The following WDR72 variants were observed in gnomAD, a reference collection of about 807,000 sequenced individuals.
WDR72 encodes the protein WD repeat-containing protein 72.
WDR72 carries 120 observed loss-of-function variants against 124.2 expected under a neutral mutation model. The observed-to-expected ratio is 0.97, with a 90% CI of 0.83 to 1.12. WDR72 has a LOEUF of 1.12. Ranked by LOEUF, WDR72 falls within the 50% of genes most tolerant of loss-of-function variation. WDR72 has a pLI of 0.00. For missense variants in WDR72, 1,387 were observed against 1,278.8 expected (o/e 1.08, Z -1.29); for synonymous variants, 452 against 441.7 (o/e 1.02, Z -0.29).
chr15:53,588,119 A>G (rs1446432724), intron 18 of WDR72, among the ~76,000 whole-genome samples: 1 of 152,052 alleles, frequency 6.6e-6, no homozygotes, highest in Non-Finnish European at 1.5e-5. Context: ...TTTCTAGTAC[A>G]GACAATTAAC....
At chr15:53,752,099 A>T (rs937861255) in intron 1 of WDR72, among the ~76,000 whole-genome samples, 1 of 152,242 alleles carries the variant, frequency 6.6e-6, no homozygotes, top group African/African-American at 2.4e-5. Context: ...CATAACTTAC[A>T]GTAGATCCCA....
In WDR72 at chr15:53,515,352, C is replaced by A. The variant is rs1279269780; in HGVS notation, c.*2347G>T. 6.6e-6 allele frequency: 1 copy of A among 152,002 alleles called. No individual in the cohort carries two copies. The highest frequency in any genetic ancestry group is 1.5e-5 in the Non-Finnish European group (1 of 67,988). The allele number at this position is 152,002 out of a possible 1,614,324, so 9.4% of individuals were successfully genotyped here. On this transcript the variant is annotated 3_prime_UTR_variant, in exon 20 of 20. Coordinates refer to ENST00000360509, the MANE Select transcript of WDR72 (RefSeq NM_182758.4). ...TATGATCACCACGTACGTGGTCTATCCAGTTAACTGTGTGGCAATTTGCTA... is the reference window on the plus strand; with the variant it reads ...TATGATCACCACGTACGTGGTCTATACAGTTAACTGTGTGGCAATTTGCTA...
Position 53,559,296 on chromosome 15 carries a change from CAT to C in WDR72, c.3149-35976_3149-35975del, listed in dbSNP as rs894289091. 1.2e-4 allele frequency among the ~76,000 whole-genome samples: 18 copies of C among 151,918 alleles called. No homozygotes were observed. In the East Asian group the frequency reaches 3.1e-3, roughly 26 times the overall value. On this transcript the variant is annotated intron_variant, in intron 18 of 19. Coordinates refer to ENST00000360509, the MANE Select transcript of WDR72 (RefSeq NM_182758.4). ...TCACACAAACTGTAATGATGATACA[CAT>C]GTGGATTTTTTTTAAAGTACAATGA...
At chr15:53,710,723 G>T in intron 9 of WDR72, 134 bp downstream of exon 9, 1 of 746,818 alleles carries the variant, frequency 1.3e-6, no homozygotes. Flanking sequence ...AATTAAACTT[G>T]ATTTTCTCAT....
chr15:53,741,127 G>A (rs976444638), intron 1 of WDR72, among the ~76,000 whole-genome samples: 9 of 152,056 alleles, frequency 5.9e-5, no homozygotes, highest in African/African-American at 2.2e-4. Flanking sequence ...TGCTATAATT[G>A]CAGGGCCCAG....
rs565451080 is a variant in WDR72, at chr15:53,591,618, A to G, written c.3148+5461T>C. 1.2e-4 allele frequency among the ~76,000 whole-genome samples: 18 copies of G among 152,102 alleles called. No homozygotes were observed. The South Asian group carries it at 3.7e-3, about 32-fold the overall frequency. On this transcript the variant is annotated intron_variant, in intron 18 of 19. Coordinates refer to ENST00000360509, the MANE Select transcript of WDR72 (RefSeq NM_182758.4). ...CAACATTATGTCCATTATAAAATAC[A>G]CACAAAAATAGAAATTCCAAAATGA...
chr15:53,557,930 T>C (rs1893989028), intron 18 of WDR72, among the ~76,000 whole-genome samples: 1 of 151,978 alleles, frequency 6.6e-6, no homozygotes, highest in Non-Finnish European at 1.5e-5. Flanking sequence ...CCACCCAATG[T>C]ATTTGGCATG....
chr15:53,615,526 A>T lies in WDR72; in HGVS notation c.2680T>A (p.Ser894Thr). The T allele has an allele frequency of 1.2e-6, 2 of 1,612,966 alleles. No homozygotes were observed. Among genetic ancestry groups the T allele is most frequent in the Non-Finnish European group, 1.7e-6 (2 of 1,179,422 alleles). ...IPRGLENNCD[S>T]LRESDTIVYL... Reference sequence around the variant, plus strand: ...ACTATAGTATCTGACTCTCGCAAAGAATCACAATTATTTTCCAATCCTCTT... The same window carrying T: ...ACTATAGTATCTGACTCTCGCAAAGTATCACAATTATTTTCCAATCCTCTT... Residue 894 changes from serine (S) to threonine (T), a missense_variant, in exon 15 of 20, where the codon TCT becomes ACT. Physicochemically the swap from Ser to Thr is moderately conservative, Grantham distance 58 (BLOSUM62 1). Transcript: ENST00000360509.
At chr15:53,627,809 A>T (rs977428835) in intron 14 of WDR72, among the ~76,000 whole-genome samples, 35 of 152,212 alleles carry the variant, frequency 2.3e-4, no homozygotes, top group Admixed American at 3.9e-4. Flanking sequence ...TTAGTGCCTA[A>T]TTGCAATCAT....
intron 13 of WDR72, among the ~76,000 whole-genome samples, chr15:53,669,950 T>C (rs1201991524): frequency 2.0e-5 from 3 of 152,320 alleles, no homozygotes; most frequent in Non-Finnish European, 2.9e-5. Flanking sequence ...TTATAGTACA[T>C]CAAGAATAGG....
chr15:53,551,340 G>A (rs1384645092), intron 18 of WDR72, among the ~76,000 whole-genome samples: 1 of 152,084 alleles, frequency 6.6e-6, no homozygotes, highest in African/African-American at 2.4e-5. Flanking sequence ...AATAATTCAC[G>A]CAGAATTGGC....
chr15:53,657,071 T>C (rs2140437160), intron 14 of WDR72, among the ~76,000 whole-genome samples: 1 of 152,036 alleles, frequency 6.6e-6, no homozygotes. Context: ...GAGACCATCC[T>C]GGCTAACACA....
At chr15:53,558,528 A>G (rs1894010448) in intron 18 of WDR72, among the ~76,000 whole-genome samples, 1 of 152,014 alleles carries the variant, frequency 6.6e-6, no homozygotes, top group African/African-American at 2.4e-5. Context: ...GAAATGGCTT[A>G]GGGGTGGAGT....
At position 53,722,984 on chromosome 15, in the gene WDR72, T is replaced by C. The variant is rs73412159; in HGVS notation, c.154-76A>G. The C allele has an allele frequency of 1.2e-3, 1,621 of 1,332,804 alleles. 24 individuals carry two copies. In the African/African-American group the frequency reaches 0.021, roughly 17 times the overall value. 82.6% of individuals were successfully genotyped at this position (1,332,804 alleles called of 1,614,324 possible). On this transcript the variant is annotated intron_variant, in intron 2 of 19. Coordinates refer to ENST00000360509, the MANE Select transcript of WDR72 (RefSeq NM_182758.4). ...TAAAAACACCACAATATAGTATTCA[T>C]AACTCTGATTAGGAAATTCTGTTGT...
chr15:53,629,927 T>C (rs991325611), intron 14 of WDR72, among the ~76,000 whole-genome samples: 2 of 152,168 alleles, frequency 1.3e-5, no homozygotes, highest in African/African-American at 4.8e-5. Flanking sequence ...AGGAGTCCCA[T>C]TTACCAACCT....
chr15:53,702,259 T>A lies in WDR72; in HGVS notation c.1444A>T (p.Met482Leu), dbSNP rs758370338. 10 of 1,614,026 alleles carry A rather than the reference T, an allele frequency of 6.2e-6. 1 individual carries two copies. The highest frequency in any genetic ancestry group is 1.6e-4 in the Middle Eastern group (1 of 6,084). Residue 482 changes from methionine to leucine, a missense_variant, in exon 12 of 20, where the codon ATG (methionine) becomes TTG (leucine). By Grantham distance (15) the Met-to-Leu change is conservative. Coordinates refer to ENST00000360509, the MANE Select transcript of WDR72 (RefSeq NM_182758.4). ...CATGAGTCCAGGTCCCCAGACAACA[T>A]CCAACTTTGGTCTAATTTCGAAGAG... ...GLSSKLDQSW[M>L]LSGDLDSCVI...
chr15:53,514,930 A>G lies in WDR72; in HGVS notation c.*2769T>C, dbSNP rs1472308271. On this transcript the variant is annotated 3_prime_UTR_variant, in exon 20 of 20. Transcript: ENST00000360509. Reference sequence around the variant, plus strand: ...TACTTTTTCCTGCAATATACAATGGAGCCAATGTGAAACTCAACAGCAAGT... The same window carrying G: ...TACTTTTTCCTGCAATATACAATGGGGCCAATGTGAAACTCAACAGCAAGT... The G allele has an allele frequency of 2.0e-5, 3 of 149,144 alleles. No homozygotes were observed. The highest frequency in any genetic ancestry group is 4.5e-5 in the Non-Finnish European group (3 of 67,234). The allele number at this position is 149,144 out of a possible 1,614,324, so 9.2% of individuals were successfully genotyped here.
rs902620989 is a variant in WDR72 at position 53,639,424 on chromosome 15, G to C, written c.1963-23181C>G. ...GTGCAAGAGTTCGAGACCAGCCTGG[G>C]CAACATAGCAAGACCTCGTCTCTAC... On this transcript the variant is annotated intron_variant, in intron 14 of 19. Coordinates refer to ENST00000360509, the MANE Select transcript of WDR72 (RefSeq NM_182758.4). Among the ~76,000 whole-genome samples the C allele has an allele frequency of 5.4e-5, 8 of 147,662 alleles. No homozygotes were observed. The Admixed American group carries it at 5.5e-4, about 10-fold the overall frequency.
intron 13 of WDR72, among the ~76,000 whole-genome samples, chr15:53,693,399 G>C (rs1461154932): frequency 6.6e-6 from 1 of 152,002 alleles, no homozygotes; most frequent in Non-Finnish European, 1.5e-5. Flanking sequence ...AACGTGTCTT[G>C]CACATATTCT....
Sources: gnomAD v4.1 joint callset for allele counts (sites outside exome capture counted in the v4.1 genomes callset) on GRCh38, gnomAD v4.1.1 for gene constraint, MANE v1.5 for transcripts, NCBI Gene and HGNC (gene_info 2026-07-23, HGNC 2026-07-21) for gene names.